The following KCNJ3 variants were observed in gnomAD, a reference collection of about 807,000 sequenced individuals.
The protein encoded by KCNJ3 is potassium inwardly rectifying channel subfamily J member 3.
A neutral mutation model predicts 39.2 loss-of-function variants in KCNJ3; 4 were observed. That is an observed-to-expected ratio of 0.10 (90% confidence interval 0.05 to 0.23). The LOEUF (loss-of-function observed/expected upper bound fraction) is 0.23, where lower values mean the gene tolerates loss of function less well. KCNJ3 is among the 10% of genes least tolerant of loss of function. The pLI is 1.00. For missense variants in KCNJ3, 276 were observed against 634.9 expected, an observed-to-expected ratio of 0.43 and a Z score of 6.08; for synonymous variants, 230 against 237.4, an observed-to-expected ratio of 0.97 and a Z score of 0.29.
At chr2:154,784,488 T>C (rs1290159145) in intron 2 of KCNJ3, among the ~76,000 whole-genome samples, 1 of 152,174 alleles carries the variant, frequency 6.6e-6, no homozygotes, top group Non-Finnish European at 1.5e-5. Context: ...GTTCAAGCAA[T>C]TCTCCTGCCT....
At chr2:154,726,522 C>CT (rs1419954592) in intron 2 of KCNJ3, among the ~76,000 whole-genome samples, 3 of 152,046 alleles carry the variant, frequency 2.0e-5, no homozygotes, top group African/African-American at 7.2e-5. Context: ...GGAATGTAAA[C>CT]TAGTACAACC....
intron 1 of KCNJ3, among the ~76,000 whole-genome samples, chr2:154,700,264 C>T (rs528118875): frequency 1.8e-3 from 281 of 152,312 alleles, no homozygotes; most frequent in Non-Finnish European, 3.3e-3. Context: ...AGAAGAATTG[C>T]TTCCTACCAT....
chr2:154,831,856 C>T (rs1029528128), intron 2 of KCNJ3, among the ~76,000 whole-genome samples: 1 of 152,082 alleles, frequency 6.6e-6, no homozygotes, highest in Non-Finnish European at 1.5e-5. Context: ...AAGCTAGGTA[C>T]ATTATAAATA....
intron 2 of KCNJ3, among the ~76,000 whole-genome samples, chr2:154,829,786 C>CTAAT (rs1431431406): frequency 6.6e-6 from 1 of 152,072 alleles, no homozygotes; most frequent in Non-Finnish European, 1.5e-5. Context: ...ATAAGAAATA[C>CTAAT]TAATAATAAC....
chr2:154,764,098 T>C (rs1255573024), intron 2 of KCNJ3, among the ~76,000 whole-genome samples: 1 of 152,244 alleles, frequency 6.6e-6, no homozygotes, highest in East Asian at 1.9e-4. Context: ...GTGATATCAA[T>C]GTTAGTTGTC....
intron 2 of KCNJ3, among the ~76,000 whole-genome samples, chr2:154,827,212 T>C (rs1163556002): frequency 6.6e-6 from 1 of 152,206 alleles, no homozygotes; most frequent in Non-Finnish European, 1.5e-5. Flanking sequence ...ATATCTTTTT[T>C]GATTTGCTGA....
At chr2:154,812,532 C>T (rs1231594883) in intron 2 of KCNJ3, among the ~76,000 whole-genome samples, 1 of 152,080 alleles carries the variant, frequency 6.6e-6, no homozygotes, top group Non-Finnish European at 1.5e-5. Context: ...CTTCTGAATT[C>T]TGTTGAGAAG....
At chr2:154,793,169 T>C (rs540702992) in intron 2 of KCNJ3, among the ~76,000 whole-genome samples, 5 of 152,174 alleles carry the variant, frequency 3.3e-5, no homozygotes, top group Admixed American at 1.3e-4. Context: ...AGTGGGTTCA[T>C]GGAAAGTGCA....
At chr2:154,851,135 G>T (rs1193882578) in intron 2 of KCNJ3, among the ~76,000 whole-genome samples, 2 of 151,924 alleles carry the variant, frequency 1.3e-5, no homozygotes, top group Non-Finnish European at 2.9e-5. Context: ...CCAGCTACTT[G>T]GGAGTAACAG....
At chr2:154,768,792 C>A (rs1186223860) in intron 2 of KCNJ3, among the ~76,000 whole-genome samples, 1 of 152,144 alleles carries the variant, frequency 6.6e-6, no homozygotes, top group Non-Finnish European at 1.5e-5. Flanking sequence ...TGGCCATTTT[C>A]ACGATATTGA....
At chr2:154,758,877 G>A (rs1377277385) in intron 2 of KCNJ3, among the ~76,000 whole-genome samples, 1 of 152,116 alleles carries the variant, frequency 6.6e-6, no homozygotes, top group East Asian at 1.9e-4. Context: ...TAAGGAAAAG[G>A]GTGTTCTAAA....
intron 2 of KCNJ3, among the ~76,000 whole-genome samples, chr2:154,775,274 T>C (rs895908845): frequency 6.6e-6 from 1 of 152,156 alleles, no homozygotes; most frequent in Non-Finnish European, 1.5e-5. Context: ...TCATAATATT[T>C]AGTGAATATC....
chr2:154,768,858 T>G (rs1262063472), intron 2 of KCNJ3, among the ~76,000 whole-genome samples: 2 of 152,210 alleles, frequency 1.3e-5, no homozygotes, highest in Non-Finnish European at 2.9e-5. Flanking sequence ...CCTCTTTTAT[T>G]TCCTTGAGCA....
intron 2 of KCNJ3, among the ~76,000 whole-genome samples, chr2:154,791,590 G>GGTAAGTAA (rs563166369): frequency 1.3e-3 from 193 of 152,064 alleles, no homozygotes; most frequent in African/African-American, 4.4e-3. Flanking sequence ...TAAAATGGGA[G>GGTAAGTAA]GTAAGATCCC....
At chr2:154,712,706 C>T (rs1479616091) in intron 2 of KCNJ3, among the ~76,000 whole-genome samples, 1 of 151,926 alleles carries the variant, frequency 6.6e-6, no homozygotes, top group East Asian at 1.9e-4. Flanking sequence ...GGGGGGTGAG[C>T]GTGGGGAACC....
chr2:154,791,974 A>T (rs902571907), intron 2 of KCNJ3, among the ~76,000 whole-genome samples: 4 of 152,040 alleles, frequency 2.6e-5, no homozygotes, highest in Non-Finnish European at 5.9e-5. Flanking sequence ...TAGGAGGCAA[A>T]GTAAAAGTGG....
intron 2 of KCNJ3, among the ~76,000 whole-genome samples, chr2:154,773,564 C>T (rs962235445): frequency 1.3e-5 from 2 of 152,182 alleles, no homozygotes; most frequent in African/African-American, 2.4e-5. Context: ...CTTGTTCTTC[C>T]ACATGCCAAG....
At chr2:154,842,878 T>C (rs752598461) in intron 2 of KCNJ3, among the ~76,000 whole-genome samples, 1 of 152,226 alleles carries the variant, frequency 6.6e-6, no homozygotes, top group Non-Finnish European at 1.5e-5. Context: ...TGATGCGTCT[T>C]GACTCTTTAT....
chr2:154,842,805 C>T (rs1047150669), intron 2 of KCNJ3, among the ~76,000 whole-genome samples: 1 of 152,078 alleles, frequency 6.6e-6, no homozygotes, highest in Non-Finnish European at 1.5e-5. Context: ...AGATCTTCCT[C>T]CATCCCTTTA....
Sources: gnomAD v4.1 joint callset for allele counts (sites outside exome capture counted in the v4.1 genomes callset) on GRCh38, gnomAD v4.1.1 for gene constraint, MANE v1.5 for transcripts, NCBI Gene and HGNC (gene_info 2026-07-23, HGNC 2026-07-21) for gene names.